The following MIR2052HG variants were observed in gnomAD, a reference collection of about 807,000 sequenced individuals.
The protein encoded by MIR2052HG is MIR2052 host gene.
At chr8:74,753,551 TTCTG>T (rs1365148339) in intron 5 of MIR2052HG, among the ~76,000 whole-genome samples, 1 of 152,192 alleles carries the variant, frequency 6.6e-6, no homozygotes, top group Non-Finnish European at 1.5e-5. Flanking sequence ...CAGACTTTTC[TTCTG>T]TCTTTGAGAT....
intron 1 of MIR2052HG, among the ~76,000 whole-genome samples, chr8:74,608,465 C>T (rs1201899320): frequency 6.6e-6 from 1 of 152,000 alleles, no homozygotes; most frequent in Non-Finnish European, 1.5e-5. Flanking sequence ...TCAGGTTGAC[C>T]TTATTGACCT....
intron 5 of MIR2052HG, among the ~76,000 whole-genome samples, chr8:74,755,701 G>A (rs1183446067): frequency 6.6e-6 from 1 of 152,164 alleles, no homozygotes; most frequent in Admixed American, 6.5e-5. Flanking sequence ...AAAATGTGGT[G>A]CTCATAAAAC....
chr8:74,602,873 C>CTTTCTTTCTTTCTTTCTTTCTTTCT (rs940052573), intron 1 of MIR2052HG, among the ~76,000 whole-genome samples: 23 of 138,790 alleles, frequency 1.7e-4, no homozygotes, highest in East Asian at 8.9e-4. Context: ...TTCTTTCTTT[C>CTTTCTTTCTTTCTTTCTTTCTTTCT]TTTTTTCTAT....
At chr8:74,666,319 A>C (rs1478528697) in intron 2 of MIR2052HG, among the ~76,000 whole-genome samples, 1 of 152,208 alleles carries the variant, frequency 6.6e-6, no homozygotes, top group Admixed American at 6.5e-5. Context: ...TTTTTACAGC[A>C]CTTAAAAATA....
In MIR2052HG at chr8:74,723,556, A is replaced by T. The variant is rs1461619343; in HGVS notation, n.371+19874A>T. Among the ~76,000 whole-genome samples the T allele has an allele frequency of 2.0e-5, 3 of 151,564 alleles. No homozygotes were observed. In the East Asian group the frequency reaches 5.8e-4, roughly 29 times the overall value. The stretch of plus-strand genomic sequence containing the variant: ...TTTTTTTTCCATGAGGAAGGTAGGG[A>T]TGGGAAATATCCACCTTAGAAGGTG... On this transcript the variant is annotated intron_variant and non_coding_transcript_variant, in intron 4 of 6. Coordinates refer to ENST00000523442, the Ensembl canonical transcript of MIR2052HG.
chr8:74,635,896 T>C (rs902536872), intron 2 of MIR2052HG, among the ~76,000 whole-genome samples: 2 of 152,224 alleles, frequency 1.3e-5, no homozygotes, highest in African/African-American at 4.8e-5. Flanking sequence ...GTGGAATGCT[T>C]TTGGTTTGCC....
At chr8:74,635,986 C>T (rs1301773648) in intron 2 of MIR2052HG, among the ~76,000 whole-genome samples, 2 of 152,226 alleles carry the variant, frequency 1.3e-5, no homozygotes, top group African/African-American at 2.4e-5. Context: ...AGCAAACAAA[C>T]TCATCATTTC....
At chr8:74,734,510 A>C (rs1019985469) in intron 4 of MIR2052HG, among the ~76,000 whole-genome samples, 1 of 152,254 alleles carries the variant, frequency 6.6e-6, no homozygotes, top group Non-Finnish European at 1.5e-5. Context: ...ATCCAAGATC[A>C]GATCTGGCTC....
chr8:74,660,361 G>A (rs1360511704), intron 2 of MIR2052HG, among the ~76,000 whole-genome samples: 2 of 152,128 alleles, frequency 1.3e-5, no homozygotes, highest in Non-Finnish European at 2.9e-5. Flanking sequence ...TTTTGAACTA[G>A]GTCACTGACC....
chr8:74,755,702 C>A (rs1386474456), intron 5 of MIR2052HG, among the ~76,000 whole-genome samples: 1 of 152,136 alleles, frequency 6.6e-6, no homozygotes, highest in Admixed American at 6.5e-5. Context: ...AAATGTGGTG[C>A]TCATAAAACA....
chr8:74,746,850 C>A (rs1273992546), intron 4 of MIR2052HG, among the ~76,000 whole-genome samples: 4 of 151,822 alleles, frequency 2.6e-5, no homozygotes, highest in African/African-American at 7.3e-5. Flanking sequence ...TCTGAAGTAG[C>A]CAACTCTGAT....
At chr8:74,604,713 C>T (rs1808086522) in intron 1 of MIR2052HG, among the ~76,000 whole-genome samples, 1 of 150,376 alleles carries the variant, frequency 6.6e-6, no homozygotes. Flanking sequence ...CCTGCCTCAG[C>T]CTCCCTAGTA....
chr8:74,715,913 T>G (rs1457834509), intron 4 of MIR2052HG, among the ~76,000 whole-genome samples: 3 of 152,234 alleles, frequency 2.0e-5, no homozygotes, highest in African/African-American at 7.2e-5. Context: ...AGAAAATGTA[T>G]GCAAAATTAA....
intron 2 of MIR2052HG, among the ~76,000 whole-genome samples, chr8:74,643,326 C>T (rs568423238): frequency 1.3e-5 from 2 of 152,088 alleles, no homozygotes; most frequent in South Asian, 4.2e-4. Flanking sequence ...TTCACATGTA[C>T]TTAGCAATTT....
chr8:74,648,709 T>C (rs1808720668), intron 2 of MIR2052HG, among the ~76,000 whole-genome samples: 1 of 152,174 alleles, frequency 6.6e-6, no homozygotes, highest in African/African-American at 2.4e-5. Context: ...CATTGAAATA[T>C]TGGGGGCTGG....
intron 4 of MIR2052HG, among the ~76,000 whole-genome samples, chr8:74,718,100 A>G (rs1323751550): frequency 6.6e-6 from 1 of 152,220 alleles, no homozygotes; most frequent in Non-Finnish European, 1.5e-5. Context: ...ACTATATTGC[A>G]TATTACTACA....
intron 2 of MIR2052HG, among the ~76,000 whole-genome samples, chr8:74,632,828 G>T (rs1461332716): frequency 6.6e-6 from 1 of 151,966 alleles, no homozygotes; most frequent in African/African-American, 2.4e-5. Flanking sequence ...TAATCAGCTC[G>T]TGTTGATCGG....
At chr8:74,630,712 G>T (rs983520756) in intron 2 of MIR2052HG, among the ~76,000 whole-genome samples, 1 of 152,114 alleles carries the variant, frequency 6.6e-6, no homozygotes, top group African/African-American at 2.4e-5. Flanking sequence ...GCATAACATA[G>T]CAACTACATC....
At chr8:74,639,411 T>C (rs555412102) in intron 2 of MIR2052HG, among the ~76,000 whole-genome samples, 5 of 152,324 alleles carry the variant, frequency 3.3e-5, no homozygotes, top group African/African-American at 9.6e-5. Flanking sequence ...CATTTGGGCA[T>C]ACATATCCTA....
Sources: gnomAD v4.1 joint callset for allele counts (sites outside exome capture counted in the v4.1 genomes callset) on GRCh38, gnomAD v4.1.1 for gene constraint, MANE v1.5 for transcripts, NCBI Gene and HGNC (gene_info 2026-07-23, HGNC 2026-07-21) for gene names.